The following STT3A variants were observed in gnomAD, a reference collection of about 807,000 sequenced individuals.
The protein encoded by STT3A is dolichyl-diphosphooligosaccharide--protein glycosyltransferase subunit STT3A.
A neutral mutation model predicts 89.2 loss-of-function variants in STT3A; 34 were observed. That is an observed-to-expected ratio of 0.38 (90% CI 0.29 to 0.51). The LOEUF (loss-of-function observed/expected upper bound fraction) is 0.51, where lower values mean the gene tolerates loss of function less well. STT3A is among the 20% of genes least tolerant of loss of function. The pLI is 0.89. For synonymous variants in STT3A, 282 were observed against 310.3 expected (o/e 0.91, Z 0.96); for missense variants, 555 against 889.5 (o/e 0.62, Z 4.78).
intron 11 of STT3A, among the ~76,000 whole-genome samples, chr11:125,611,863 A>ATTTTTTTTTTT (rs59685125): frequency 3.5e-5 from 2 of 56,970 alleles, no homozygotes; most frequent in Non-Finnish European, 6.4e-5. Flanking sequence ...AGGGATTTGA[A>ATTTTTTTTTTT]TTTTTTTTTT....
At chr11:125,603,046 G>C in intron 5 of STT3A, 98 bp downstream of exon 5, 1 of 1,451,622 alleles carries the variant, frequency 6.9e-7, no homozygotes, top group Admixed American at 2.3e-5. Context: ...GAAAGGCAGG[G>C]AGCCAGAAGG....
At chr11:125,603,832 G>T (rs1003651221) in intron 5 of STT3A, among the ~76,000 whole-genome samples, 1 of 152,180 alleles carries the variant, frequency 6.6e-6, no homozygotes, top group African/African-American at 2.4e-5. Context: ...ATATTGTTAG[G>T]GGTAGAGACT....
chr11:125,612,785 G>C, intron 12 of STT3A, 38 bp downstream of exon 12: 1 of 1,320,132 alleles, frequency 7.6e-7, no homozygotes, highest in Non-Finnish European at 1.0e-6. Flanking sequence ...GGGAAACTCT[G>C]TGTGTGTGTG....
rs1329375093 is a variant in STT3A at position 125,623,074 on chromosome 11, A to G, written c.*2264A>G. 5 of 155,782 alleles carry G rather than the reference A, an allele frequency of 3.2e-5. No individual in the cohort carries two copies. The highest frequency in any genetic ancestry group is 7.0e-5 in the Non-Finnish European group (5 of 71,392). The allele number at this position is 155,782 out of a possible 1,614,324, so 9.6% of individuals were successfully genotyped here. ...AGACAGAGCAAGACTGTCTCAAAAA[A>G]AAAAAAAAAAAAAAAAAAGAGTGGG... On this transcript the variant is annotated 3_prime_UTR_variant, in exon 18 of 18. Transcript: ENST00000392708.
chr11:125,608,462 C>G lies in STT3A; in HGVS notation c.961+173C>G. 1.2e-5 allele frequency: 7 copies of G among 569,894 alleles called. No individual in the cohort carries two copies. In the South Asian group the frequency reaches 2.2e-4, roughly 18 times the overall value. 35.3% of individuals were successfully genotyped at this position (569,894 alleles called of 1,614,324 possible). The stretch of plus-strand genomic sequence containing the variant: ...CCTGAGTAGCTGGGATTACAGGCGC[C>G]TGCCACCGCGCCCGCCACCACGCCC... On this transcript the variant is annotated intron_variant, in intron 9 of 17. Transcript: ENST00000392708.
Position 125,613,997 on chromosome 11 carries a change from T to A in STT3A, c.1555-90T>A. 2 of 1,157,640 alleles carry A rather than the reference T, an allele frequency of 1.7e-6. No homozygotes were observed. Among genetic ancestry groups the A allele is most frequent in the Admixed American group, 1.8e-5 (1 of 54,166 alleles). The allele number at this position is 1,157,640 out of a possible 1,614,324, so 71.7% of individuals were successfully genotyped here. A position where few individuals can be genotyped will look rare whatever the true frequency, so the allele number is the denominator to read the frequency against. On this transcript the variant is annotated intron_variant, in intron 13 of 17. Coordinates refer to ENST00000392708, the MANE Select transcript of STT3A (RefSeq NM_152713.5). This position sits in a 1 kb window ranked among gnomAD's most constrained non-coding sequence, Gnocchi z 4.2. ...AATTGATTAGTTAGCCAGGTGTCAC[T>A]TCTGTCAGACCAAAGATGCCTTCTC... is the stretch of plus-strand genomic sequence containing the variant.
Position 125,613,426 on chromosome 11 carries a change from T to C in STT3A, c.1554+249T>C, listed in dbSNP as rs1756646362. 6.6e-6 allele frequency among the ~76,000 whole-genome samples: 1 copy of C among 152,060 alleles called. No homozygotes were observed. Among genetic ancestry groups the C allele is most frequent in the Non-Finnish European group, 1.5e-5 (1 of 67,986 alleles). ...TTGATATGATGATTTTAACATGAGG[T>C]AGAACATCCCAGTTATAAAAGAAGA... On this transcript the variant is annotated intron_variant, in intron 13 of 17. Transcript: ENST00000392708. This position sits in a 1 kb window ranked among gnomAD's most constrained non-coding sequence, Gnocchi z 4.2.
chr11:125,606,190 T>TA, intron 7 of STT3A, 111 bp from the exon 8 acceptor site: 1 of 1,051,682 alleles, frequency 9.5e-7, no homozygotes, highest in Non-Finnish European at 1.4e-6. Context: ...TAAATAAAGT[T>TA]ATAGTTACTA....
In STT3A at chr11:125,618,742, A is replaced by G. The variant is rs192485971; in HGVS notation, c.1963+181A>G. Among the ~76,000 whole-genome samples, 489 of 152,090 alleles carry G rather than the reference A, an allele frequency of 3.2e-3. 3 individuals are homozygous for G. The highest frequency in any genetic ancestry group is 0.011 in the African/African-American group (461 of 41,418). Reference sequence around the variant, plus strand: ...TATTACCTTTATTTTTGTTGTTTGCATATTTTTTTGAGACAGGGTTTTTGC... The same window carrying G: ...TATTACCTTTATTTTTGTTGTTTGCGTATTTTTTTGAGACAGGGTTTTTGC... On this transcript the variant is annotated intron_variant, in intron 16 of 17. Transcript: ENST00000392708.
Position 125,595,881 on chromosome 11 carries a change from C to A in STT3A, c.-35C>A. ...TGTGGTCTTGACTTTTTCATTTTAG[C>A]TGATCGTCGTGTGTTGCCACCCATT... On this transcript the variant is annotated splice_region_variant and 5_prime_UTR_variant, in exon 2 of 18. The change creates a new upstream start codon in the 5' untranslated region. Coordinates refer to ENST00000392708, the MANE Select transcript of STT3A (RefSeq NM_152713.5). 1 of 1,401,868 alleles carries A rather than the reference C, an allele frequency of 7.1e-7. No individual in the cohort carries two copies. Among genetic ancestry groups the A allele is most frequent in the Non-Finnish European group, 1.0e-6 (1 of 993,640 alleles). The allele number at this position is 1,401,868 out of a possible 1,614,324, so 86.8% of individuals were successfully genotyped here.
upstream of STT3A, among the ~76,000 whole-genome samples, chr11:125,592,079 C>T (rs900219815): frequency 2.0e-5 from 3 of 152,198 alleles, no homozygotes; most frequent in African/African-American, 7.2e-5. Context: ...GCCGGGCTGC[C>T]TCCCGGTCTC....
At chr11:125,620,665 G>T (rs1013208318) in intron 17 of STT3A, 107 bp from the exon 18 acceptor site, 7 of 1,023,264 alleles carry the variant, frequency 6.8e-6, no homozygotes, top group East Asian at 2.5e-5. Flanking sequence ...AAACCAGGCT[G>T]CAGAACCCAA....
In STT3A at chr11:125,614,091, C is replaced by T. The variant is rs376733157; in HGVS notation, c.1559C>T (p.Ala520Val). The change falls in exon 14 of 18, where the codon GCG (alanine) becomes GTG (valine). Residue 520 changes from alanine (A) to valine (V), a missense_variant. Physicochemically the swap from Ala to Val is moderately conservative, Grantham distance 64. Transcript: ENST00000392708. This position sits in a 1 kb window ranked among gnomAD's most constrained non-coding sequence, Gnocchi z 4.9. ...CATTTCCCATTCTACTTTCAGGATG[C>T]GAAGGTCATGTCCTGGTGGGATTAT... is the stretch of plus-strand genomic sequence containing the variant. ...YWLRHNTPED[A>V]KVMSWWDYGY... The T allele has an allele frequency of 4.1e-5, 66 of 1,613,506 alleles. 1 individual carries two copies. Among genetic ancestry groups the T allele is most frequent in the African/African-American group, 1.1e-4 (8 of 74,896 alleles).
rs1477981119 is a variant in STT3A at position 125,606,353 on chromosome 11, T to C, written c.668T>C (p.Val223Ala). The C allele has an allele frequency of 6.2e-7, 1 of 1,614,174 alleles. No homozygotes were observed. Among genetic ancestry groups the C allele is most frequent in the South Asian group, 1.1e-5 (1 of 91,076 alleles). Reference protein sequence around the residue: ...VFLINLIPLHVLVLMLTGRFS... With the variant: ...VFLINLIPLHALVLMLTGRFS... ...CTGATCAACTTAATTCCTCTCCACG[T>C]CCTCGTGCTGATGCTCACAGGCCGT... Residue 223 changes from valine to alanine, a missense_variant, in exon 8 of 18, where the codon GTC becomes GCC. Transcript: ENST00000392708.
intron 11 of STT3A, among the ~76,000 whole-genome samples, chr11:125,611,863 A>ATTT (rs59685125): frequency 0.088 from 4,999 of 56,936 alleles, 1,146 homozygotes; most frequent in Non-Finnish European, 0.12. Flanking sequence ...AGGGATTTGA[A>ATTT]TTTTTTTTTT....
At chr11:125,608,347 T>C (rs1939898503) in intron 9 of STT3A, 58 bp downstream of exon 9, 1 of 1,518,906 alleles carries the variant, frequency 6.6e-7, no homozygotes, top group Non-Finnish European at 8.8e-7. Context: ...GGAGTTTCGC[T>C]CTTGTTGCCC....
Position 125,613,882 on chromosome 11 carries a change from T to C in STT3A, c.1555-205T>C, listed in dbSNP as rs1355178892. 1.9e-6 allele frequency: 1 copy of C among 533,218 alleles called. No individual in the cohort carries two copies. Among genetic ancestry groups the C allele is most frequent in the Non-Finnish European group, 3.4e-6 (1 of 295,196 alleles). 33.0% of individuals were successfully genotyped at this position (533,218 alleles called of 1,614,324 possible). On this transcript the variant is annotated intron_variant, in intron 13 of 17. Coordinates refer to ENST00000392708, the MANE Select transcript of STT3A (RefSeq NM_152713.5). The surrounding 1 kb of genome is among the most constrained non-coding windows in gnomAD (Gnocchi z 4.2). ...TGAAGTGTTGGGAATGTTGGTTTGT[T>C]ATTTGTGCTGAGATTTTATAATTGT...
chr11:125,599,642 C>G (rs1939612491), intron 3 of STT3A, among the ~76,000 whole-genome samples: 3 of 150,484 alleles, frequency 2.0e-5, no homozygotes, highest in South Asian at 2.1e-4. Context: ...CTTCTGTGCT[C>G]AAGCGATCCA....
At position 125,614,252 on chromosome 11, in the gene STT3A, G is replaced by A. The variant is rs369842257; in HGVS notation, c.1671+49G>A. 83 of 1,612,182 alleles carry A rather than the reference G, an allele frequency of 5.1e-5. No homozygotes were observed. The highest frequency in any genetic ancestry group is 7.0e-5 in the Non-Finnish European group (82 of 1,178,392). ...AGTGTTTGGTGTACAAGGTCTAATG[G>A]GAAATGTGTCTGCATGAGGGGATCA... On this transcript the variant is annotated intron_variant, in intron 14 of 17. Coordinates refer to ENST00000392708, the MANE Select transcript of STT3A (RefSeq NM_152713.5). This position sits in a 1 kb window ranked among gnomAD's most constrained non-coding sequence, Gnocchi z 4.9.
Sources: gnomAD v4.1 joint callset for allele counts (sites outside exome capture counted in the v4.1 genomes callset) on GRCh38, gnomAD v4.1.1 for gene constraint, Gnocchi (gnomAD v3.1) non-coding constraint, MANE v1.5 for transcripts, NCBI Gene and HGNC (gene_info 2026-07-23, HGNC 2026-07-21) for gene names.